The following RMND1 variants were observed in gnomAD, a reference collection of about 807,000 sequenced individuals.
The protein encoded by RMND1 is required for meiotic nuclear division protein 1 homolog.
A neutral mutation model predicts 54.0 loss-of-function variants in RMND1; 41 were observed. That is an observed-to-expected ratio of 0.76 (90% CI 0.59 to 0.98). The LOEUF (loss-of-function observed/expected upper bound fraction) is 0.98, where lower values mean the gene tolerates loss of function less well. Among genes scored for constraint, RMND1 ranks in the 50% least tolerant of loss-of-function variants. The probability of loss-of-function intolerance (pLI) is 0.00; values close to 1 mark genes in which losing one functional copy is unlikely to be tolerated. For synonymous variants in RMND1, 183 were observed against 181.7 expected (o/e 1.01, Z -0.06); for missense variants, 457 against 532.0 (o/e 0.86, Z 1.39).
At chr6:151,419,863 T>C (rs1223087195) in intron 9 of RMND1, among the ~76,000 whole-genome samples, 1 of 152,134 alleles carries the variant, frequency 6.6e-6, no homozygotes, top group Non-Finnish European at 1.5e-5. Context: ...TCTGTATTCA[T>C]ACATGCATGT....
At chr6:151,426,854 C>T (rs7762386) in intron 6 of RMND1, among the ~76,000 whole-genome samples, 2,357 of 152,066 alleles carry the variant, frequency 0.015, 52 homozygotes, top group African/African-American at 0.051. Context: ...ACTGCAACCT[C>T]CGCCTCCCAG....
At chr6:151,427,399 A>T in intron 6 of RMND1, 83 bp downstream of exon 6, 1 of 757,806 alleles carries the variant, frequency 1.3e-6, no homozygotes, top group Non-Finnish European at 2.2e-6. Flanking sequence ...AAGTTTCCAT[A>T]TGCATAATAA....
chr6:151,412,345 G>A (rs1014754693), intron 10 of RMND1, among the ~76,000 whole-genome samples: 1 of 151,574 alleles, frequency 6.6e-6, no homozygotes, highest in South Asian at 2.1e-4. Flanking sequence ...AGAGATGGGC[G>A]GGGGTATCAC....
rs1780334475 is a variant in RMND1, at chr6:151,427,403, A to G, written c.830+79T>C. The G allele has an allele frequency of 6.1e-6, 5 of 816,176 alleles. No individual in the cohort carries two copies. In the East Asian group the frequency reaches 1.3e-4, roughly 22 times the overall value. The allele number at this position is 816,176 out of a possible 1,614,324, so 50.6% of individuals were successfully genotyped here. A position where few individuals can be genotyped will look rare whatever the true frequency, so the allele number is the denominator to read the frequency against. The stretch of plus-strand genomic sequence containing the variant: ...AAAAAAAAAAAAAGTTTCCATATGC[A>G]TAATAATTTGTCTCCTCTATTGCTT... On this transcript the variant is annotated intron_variant, in intron 6 of 11. Transcript: ENST00000444024.
intron 5 of RMND1, among the ~76,000 whole-genome samples, chr6:151,427,888 C>T (rs1780347210): frequency 6.6e-6 from 1 of 152,076 alleles, no homozygotes; most frequent in Admixed American, 6.6e-5. Flanking sequence ...CTTTAATAAT[C>T]CCAGCATTTT....
Position 151,427,542 on chromosome 6 carries a change from T to G in RMND1, c.770A>C (p.Gln257Pro). Residue 257 changes from glutamine (Q) to proline (P), a missense_variant, in exon 6 of 12, where the codon CAG (glutamine) becomes CCG (proline). Physicochemically the swap from Gln to Pro is moderately conservative, Grantham distance 76. Transcript: ENST00000444024. ...VMKVLEKHEI[Q>P]PYEIALVHWE... ...GTGTACCAGTGCGATTTCATAGGGC[T>G]GAATTTCATGTTTTTCTAGAACTTT... The G allele has an allele frequency of 6.2e-7, 1 of 1,612,538 alleles. No homozygotes were observed. Among genetic ancestry groups the G allele is most frequent in the Non-Finnish European group, 8.5e-7 (1 of 1,178,824 alleles).
At chr6:151,421,391 G>T in intron 8 of RMND1, 70 bp from the exon 9 acceptor site, 2 of 1,084,634 alleles carry the variant, frequency 1.8e-6, no homozygotes, top group South Asian at 1.4e-5. Flanking sequence ...TAGGTCAACA[G>T]GGCAAAATCT....
intron 5 of RMND1, 101 bp downstream of exon 5, chr6:151,430,037 T>C: frequency 2.7e-6 from 2 of 731,132 alleles, no homozygotes; most frequent in South Asian, 3.3e-5. Context: ...AAGTTGTGCA[T>C]AATCTATTAA....
intron 6 of RMND1, among the ~76,000 whole-genome samples, chr6:151,426,716 T>G (rs1209914897): frequency 6.6e-6 from 1 of 152,184 alleles, no homozygotes; most frequent in Non-Finnish European, 1.5e-5. Flanking sequence ...AAAATTATGT[T>G]TATCTTCTAA....
At chr6:151,436,832 T>C in intron 2 of RMND1, 1 of 273,634 alleles carries the variant, frequency 3.7e-6, no homozygotes, top group South Asian at 8.2e-5. Context: ...ACTGGTAGTA[T>C]CTCAAGCACA....
At chr6:151,435,188 C>A (rs901055322) in intron 3 of RMND1, among the ~76,000 whole-genome samples, 4 of 152,060 alleles carry the variant, frequency 2.6e-5, no homozygotes, top group Non-Finnish European at 2.9e-5. Flanking sequence ...CTCTGTCGCC[C>A]AGGTTGGAGT....
chr6:151,422,615 AAATT>A lies in RMND1; in HGVS notation c.938-14_938-11del, dbSNP rs757978589. The A allele has an allele frequency of 7.8e-6, 11 of 1,406,946 alleles. No homozygotes were observed. The Admixed American group carries it at 1.4e-4, about 18-fold the overall frequency. The allele number at this position is 1,406,946 out of a possible 1,614,324, so 87.2% of individuals were successfully genotyped here. On this transcript the variant is annotated splice_polypyrimidine_tract_variant and intron_variant, in intron 7 of 11. Transcript: ENST00000444024. ...CAAATTGCCAGTTTTACTGGGAAAAAAATTAATAATGGAACATTTCTTTATCATC... is the reference window on the plus strand; with the variant it reads ...CAAATTGCCAGTTTTACTGGGAAAAAAATAATGGAACATTTCTTTATCATC...
At chr6:151,417,122 A>G (rs1312551525) in intron 10 of RMND1, 157 bp downstream of exon 10, 13 of 717,856 alleles carry the variant, frequency 1.8e-5, no homozygotes, top group Non-Finnish European at 2.8e-5. Context: ...ATCCTTTGAC[A>G]CAAAAAATTG....
chr6:151,425,425 C>CGTGT (rs76733448), intron 6 of RMND1, among the ~76,000 whole-genome samples: 59 of 150,654 alleles, frequency 3.9e-4, no homozygotes, highest in African/African-American at 6.8e-4. Flanking sequence ...TGTACAGTAA[C>CGTGT]GTGTGTGTGT....
chr6:151,422,675 C>G lies in RMND1; in HGVS notation c.938-70G>C, dbSNP rs552846499. 197 of 649,222 alleles carry G rather than the reference C, an allele frequency of 3.0e-4. 2 individuals carry two copies. In the Middle Eastern group the frequency reaches 5.9e-3, roughly 20 times the overall value. 40.2% of individuals were successfully genotyped at this position (649,222 alleles called of 1,614,324 possible). On this transcript the variant is annotated intron_variant, in intron 7 of 11. Transcript: ENST00000444024. ...CACATGTATATAAAATACATAATTGCACAGCATCTTCACTACTATTTCAGT... is the reference window on the plus strand; with the variant it reads ...CACATGTATATAAAATACATAATTGGACAGCATCTTCACTACTATTTCAGT...
chr6:151,443,090 A>G (rs1453047735), intron 2 of RMND1, among the ~76,000 whole-genome samples: 1 of 152,072 alleles, frequency 6.6e-6, no homozygotes, highest in Admixed American at 6.6e-5. Flanking sequence ...AGAATGGTAT[A>G]AAGGGTTTAC....
chr6:151,433,067 G>A, intron 4 of RMND1, 88 bp downstream of exon 4: 1 of 709,184 alleles, frequency 1.4e-6, no homozygotes, highest in Non-Finnish European at 2.5e-6. Context: ...CACATTTACT[G>A]TTAAGAAAGG....
At chr6:151,436,117 A>AC (rs1287105178) in intron 3 of RMND1, 136 of 198,150 alleles carry the variant, frequency 6.9e-4, no homozygotes, top group Admixed American at 2.5e-3. Context: ...AAAAACAAAA[A>AC]AAAAAAAAAC....
chr6:151,430,169 G>A lies in RMND1; in HGVS notation c.698C>T (p.Ala233Val). The change falls in exon 5 of 12, where the codon GCT becomes GTT. Residue 233 changes from alanine to valine, a missense_variant. By Grantham distance (64) the Ala-to-Val change is moderately conservative. Transcript: ENST00000444024. The stretch of plus-strand genomic sequence containing the variant: ...GTCTTTCACATTCCAAAACACAGCA[G>A]CTCCTTCCCTGATTTAAAAAAATAA... ...PGTIFFFREG[A>V]AVFWNVKDKT... 2 of 1,598,224 alleles carry A rather than the reference G, an allele frequency of 1.3e-6. No individual in the cohort carries two copies. The highest frequency in any genetic ancestry group is 8.6e-7 in the Non-Finnish European group (1 of 1,167,726).
Sources: allele counts gnomAD v4.1 joint callset (sites outside exome capture counted in the v4.1 genomes callset), GRCh38; gene constraint gnomAD v4.1.1; transcripts MANE v1.5; gene names NCBI Gene and HGNC (gene_info 2026-07-23, HGNC 2026-07-21).